The following CPEB3 variants were observed in gnomAD, a reference collection of about 807,000 sequenced individuals.
The protein encoded by CPEB3 is cytoplasmic polyadenylation element-binding protein 3.
CPEB3 carries 20 observed loss-of-function variants against 67.2 expected under a neutral mutation model. The observed-to-expected ratio is 0.30, with a 90% CI of 0.21 to 0.43. CPEB3 has a LOEUF of 0.43. Among genes scored for constraint, CPEB3 ranks in the 20% least tolerant of loss-of-function variants. CPEB3 has a pLI of 1.00. For synonymous variants in CPEB3, 376 were observed against 393.1 expected (o/e 0.96, Z 0.51); for missense variants, 746 against 968.6 (o/e 0.77, Z 3.05).
At chr10:92,171,008 A>G (rs1257367287) in intron 4 of CPEB3, among the ~76,000 whole-genome samples, 1 of 152,204 alleles carries the variant, frequency 6.6e-6, no homozygotes, top group African/African-American at 2.4e-5. Flanking sequence ...AATAATACAG[A>G]AAGAAGAGAA....
At chr10:92,218,421 G>A (rs7905745) in intron 2 of CPEB3, among the ~76,000 whole-genome samples, 149,262 of 152,224 alleles carry the variant, frequency 0.98, 73,167 homozygotes, top group Middle Eastern at 1. Context: ...CAAACAAACA[G>A]ACAAACAAAC....
intron 3 of CPEB3, among the ~76,000 whole-genome samples, chr10:92,191,716 C>G (rs961184893): frequency 2.0e-5 from 3 of 152,188 alleles, no homozygotes; most frequent in Non-Finnish European, 4.4e-5. Flanking sequence ...AAATTTAGAT[C>G]TTAACCCAAG....
chr10:92,245,387 C>T (rs1852017284), intron 1 of CPEB3, among the ~76,000 whole-genome samples: 3 of 152,164 alleles, frequency 2.0e-5, no homozygotes, highest in Middle Eastern at 6.8e-3. Flanking sequence ...TTGCCCACCT[C>T]GGCCTCCCAA....
At chr10:92,099,832 C>G (rs1052006799) in intron 7 of CPEB3, among the ~76,000 whole-genome samples, 1 of 151,414 alleles carries the variant, frequency 6.6e-6, no homozygotes, top group East Asian at 1.9e-4. Flanking sequence ...CCATTGCACT[C>G]CAGCCTGGGC....
intron 6 of CPEB3, among the ~76,000 whole-genome samples, chr10:92,129,234 G>A (rs1845731650): frequency 6.6e-6 from 1 of 152,134 alleles, no homozygotes; most frequent in Non-Finnish European, 1.5e-5. Context: ...GCAAAGTAGT[G>A]AACAGAAAAC....
intron 6 of CPEB3, among the ~76,000 whole-genome samples, chr10:92,134,874 T>C (rs994578521): frequency 9.9e-5 from 15 of 151,822 alleles, no homozygotes; most frequent in Non-Finnish European, 2.1e-4. Context: ...TCTACAACCA[T>C]CTGATCTTTG....
At chr10:92,182,609 T>G (rs1280634230) in intron 3 of CPEB3, among the ~76,000 whole-genome samples, 1 of 152,148 alleles carries the variant, frequency 6.6e-6, no homozygotes, top group Admixed American at 6.5e-5. Context: ...GCAGATCATC[T>G]GAGGTCATGA....
chr10:92,188,323 A>T (rs1287763812), intron 3 of CPEB3, among the ~76,000 whole-genome samples: 6 of 46,392 alleles, frequency 1.3e-4, no homozygotes, highest in African/African-American at 4.1e-4. Flanking sequence ...GACATAGTAA[A>T]AAAAAAAAAA....
intron 1 of CPEB3, among the ~76,000 whole-genome samples, chr10:92,278,090 G>A (rs145278584): frequency 1.6e-4 from 24 of 150,750 alleles, no homozygotes; most frequent in Middle Eastern, 3.5e-3. Context: ...GGAAGCTGAG[G>A]CAGAGAACTG....
At chr10:92,165,403 C>CTTTTTT (rs34205234) in intron 4 of CPEB3, among the ~76,000 whole-genome samples, 18 of 121,430 alleles carry the variant, frequency 1.5e-4, no homozygotes, top group Admixed American at 2.0e-4. Context: ...CTTTTTTCTT[C>CTTTTTT]TTTTTTTTTT....
At chr10:92,179,528 C>T (rs1397886176) in intron 4 of CPEB3, among the ~76,000 whole-genome samples, 2 of 152,242 alleles carry the variant, frequency 1.3e-5, no homozygotes, top group African/African-American at 2.4e-5. Flanking sequence ...TTAATTATTG[C>T]TCAAGTTCAG....
chr10:92,082,349 A>G (rs1843189533), intron 8 of CPEB3, among the ~76,000 whole-genome samples: 1 of 152,086 alleles, frequency 6.6e-6, no homozygotes, highest in Non-Finnish European at 1.5e-5. Context: ...CAGTGGTGTG[A>G]TCTCAGCTCA....
chr10:92,142,963 C>A, intron 6 of CPEB3, 66 bp downstream of exon 6: 1 of 1,104,852 alleles, frequency 9.1e-7, no homozygotes, highest in Non-Finnish European at 1.3e-6. Flanking sequence ...TAAAAGGCTG[C>A]CTTTTATTGA....
chr10:92,096,949 A>T (rs1328480061), intron 7 of CPEB3, among the ~76,000 whole-genome samples: 1 of 152,192 alleles, frequency 6.6e-6, no homozygotes, highest in Non-Finnish European at 1.5e-5. Flanking sequence ...CTGTCTCAAA[A>T]TAAAATAAAA....
intron 9 of CPEB3, among the ~76,000 whole-genome samples, chr10:92,061,185 A>T (rs1554877886): frequency 6.6e-6 from 1 of 152,132 alleles, no homozygotes; most frequent in Non-Finnish European, 1.5e-5. Context: ...TTGGGAGGCC[A>T]GGGCAAGTGG....
chr10:92,115,767 AT>A (rs1844991078), intron 6 of CPEB3, among the ~76,000 whole-genome samples: 1 of 152,196 alleles, frequency 6.6e-6, no homozygotes, highest in Non-Finnish European at 1.5e-5. Context: ...CCACAATGTT[AT>A]TTGATGCTCA....
chr10:92,277,345 T>A (rs560271641), intron 1 of CPEB3, among the ~76,000 whole-genome samples: 1 of 152,330 alleles, frequency 6.6e-6, no homozygotes, highest in Admixed American at 6.5e-5. Flanking sequence ...GCAACACCAT[T>A]CCTTCACAAG....
chr10:92,275,734 T>G (rs1177815060), intron 1 of CPEB3, among the ~76,000 whole-genome samples: 2 of 152,146 alleles, frequency 1.3e-5, no homozygotes, highest in African/African-American at 4.8e-5. Flanking sequence ...TCTTTGTAGA[T>G]ATGCCTAGGA....
intron 7 of CPEB3, among the ~76,000 whole-genome samples, chr10:92,108,200 G>C (rs1844563286): frequency 6.6e-6 from 1 of 152,164 alleles, no homozygotes; most frequent in Admixed American, 6.5e-5. Flanking sequence ...AAGGGCACTG[G>C]GATCCTGAAA....
Sources: gnomAD v4.1 joint callset for allele counts (sites outside exome capture counted in the v4.1 genomes callset) on GRCh38, gnomAD v4.1.1 for gene constraint, MANE v1.5 for transcripts, NCBI Gene and HGNC (gene_info 2026-07-23, HGNC 2026-07-21) for gene names.